Variants in SEMA5B observed in about 807,000 individuals in gnomAD.
SEMA5B encodes semaphorin-5B.
In SEMA5B, 66 loss-of-function variants were observed where a neutral mutation model predicts 135.0. The observed-to-expected ratio is 0.49, with a 90% confidence interval of 0.40 to 0.60. The LOEUF is 0.60. SEMA5B is among the 20% of genes least tolerant of loss of function. The probability of loss-of-function intolerance (pLI) is 0.00; values close to 1 mark genes in which losing one functional copy is unlikely to be tolerated. For missense variants in SEMA5B, 1,501 were observed against 1,566.3 expected, an observed-to-expected ratio of 0.96 and a Z score of 0.70; for synonymous variants, 690 against 639.5, an observed-to-expected ratio of 1.08 and a Z score of -1.19.
chr3:122,939,025 C>G (rs1276985926), intron 5 of SEMA5B, among the ~76,000 whole-genome samples: 2 of 152,232 alleles, frequency 1.3e-5, no homozygotes, highest in Non-Finnish European at 2.9e-5. Context: ...AGAGACCCTC[C>G]TGTGGAGCCA....
chr3:122,929,871 A>G (rs953757447), intron 5 of SEMA5B, among the ~76,000 whole-genome samples: 4 of 152,208 alleles, frequency 2.6e-5, no homozygotes, highest in Non-Finnish European at 4.4e-5. Flanking sequence ...TCCCCAACCC[A>G]GGATCTCTTC....
chr3:122,950,732 G>C (rs1940008402), intron 2 of SEMA5B, among the ~76,000 whole-genome samples: 1 of 152,154 alleles, frequency 6.6e-6, no homozygotes, highest in Admixed American at 6.5e-5. Flanking sequence ...TAGTTGAGAG[G>C]CAAAAACAGA....
At chr3:123,007,296 C>G (rs1445576075) in intron 1 of SEMA5B, among the ~76,000 whole-genome samples, 1 of 152,180 alleles carries the variant, frequency 6.6e-6, no homozygotes, top group East Asian at 1.9e-4. Context: ...TACACAGACC[C>G]TGACCCTCCC....
intron 2 of SEMA5B, among the ~76,000 whole-genome samples, chr3:122,956,509 C>T (rs1940313595): frequency 6.6e-6 from 1 of 152,122 alleles, no homozygotes; most frequent in Non-Finnish European, 1.5e-5. Flanking sequence ...GAGCCAAGGC[C>T]GGAGCAATCA....
intron 1 of SEMA5B, among the ~76,000 whole-genome samples, chr3:122,997,817 T>C (rs1371256733): frequency 6.6e-6 from 1 of 151,676 alleles, no homozygotes; most frequent in Non-Finnish European, 1.5e-5. Context: ...GCCTCTACCC[T>C]CAGGCCAGGA....
chr3:122,925,585 G>T (rs1451480165), intron 9 of SEMA5B, among the ~76,000 whole-genome samples: 2 of 151,868 alleles, frequency 1.3e-5, no homozygotes, highest in South Asian at 4.2e-4. Context: ...CAGGAGAATC[G>T]CTTGAACCCA....
intron 1 of SEMA5B, among the ~76,000 whole-genome samples, chr3:122,974,767 C>A (rs1331799834): frequency 6.6e-6 from 1 of 152,174 alleles, no homozygotes; most frequent in Non-Finnish European, 1.5e-5. Context: ...CTGACAAAAC[C>A]CTTCCAGTGC....
intron 12 of SEMA5B, among the ~76,000 whole-genome samples, chr3:122,918,741 G>C (rs1190924099): frequency 6.6e-6 from 1 of 152,172 alleles, no homozygotes; most frequent in Non-Finnish European, 1.5e-5. Flanking sequence ...GACCCCTGAG[G>C]CTTCTTGAGG....
chr3:122,976,240 T>TA (rs1038909937), intron 1 of SEMA5B: 2 of 1,339,876 alleles, frequency 1.5e-6, no homozygotes, highest in African/African-American at 1.5e-5. Flanking sequence ...GGAACTTGTT[T>TA]AAAATGCAAA....
intron 1 of SEMA5B, among the ~76,000 whole-genome samples, chr3:123,017,673 C>T (rs573635305): frequency 6.6e-5 from 10 of 152,248 alleles, no homozygotes; most frequent in Admixed American, 2.0e-4. Flanking sequence ...TTTGGGAGGA[C>T]GAGGCAGGTG....
At chr3:123,002,895 G>A (rs1405345525) in intron 1 of SEMA5B, among the ~76,000 whole-genome samples, 9 of 152,076 alleles carry the variant, frequency 5.9e-5, no homozygotes, top group Non-Finnish European at 1.0e-4. Context: ...TGATGACCCC[G>A]GACATACTTA....
At chr3:122,975,976 T>C in intron 1 of SEMA5B, 1 of 1,532,558 alleles carries the variant, frequency 6.5e-7, no homozygotes. Flanking sequence ...ATCTAGAAAC[T>C]CTTCATGTCA....
At chr3:122,925,451 G>A (rs903546110) in intron 9 of SEMA5B, among the ~76,000 whole-genome samples, 4 of 151,980 alleles carry the variant, frequency 2.6e-5, no homozygotes, top group African/African-American at 4.8e-5. Context: ...GGCAGATCAC[G>A]AGGTCAGGAG....
chr3:122,944,795 C>G (rs1480286532), intron 3 of SEMA5B, among the ~76,000 whole-genome samples: 1 of 152,212 alleles, frequency 6.6e-6, no homozygotes. Context: ...TCTTGATTCA[C>G]AGCCTCCTGA....
Position 122,985,268 on chromosome 3 carries a change from G to A in SEMA5B, c.-38-23967C>T, listed in dbSNP as rs541651142. On this transcript the variant is annotated intron_variant, in intron 1 of 22. Coordinates refer to ENST00000357599, the MANE Select transcript of SEMA5B (RefSeq NM_001031702.4). The stretch of plus-strand genomic sequence containing the variant: ...AGCACTTTGAGAGGCCAAGGCAGGA[G>A]GATTGCTTCTAGCCAGGAGTTCAAG... Among the ~76,000 whole-genome samples the A allele has an allele frequency of 2.6e-5, 4 of 152,316 alleles. No individual in the cohort carries two copies. The South Asian group carries it at 6.2e-4, about 24-fold the overall frequency.
intron 1 of SEMA5B, among the ~76,000 whole-genome samples, chr3:122,999,555 C>T (rs1942120383): frequency 6.6e-6 from 1 of 151,718 alleles, no homozygotes; most frequent in African/African-American, 2.4e-5. Context: ...TTAAACCCAC[C>T]AAAGATAACG....
intron 5 of SEMA5B, among the ~76,000 whole-genome samples, chr3:122,933,269 A>G (rs1472936125): frequency 1.3e-5 from 2 of 152,070 alleles, no homozygotes; most frequent in Non-Finnish European, 2.9e-5. Context: ...GAAAAGGAAC[A>G]TGGTAGATCA....
intron 13 of SEMA5B, 72 bp downstream of exon 13, chr3:122,915,701 G>T: frequency 1.2e-6 from 2 of 1,601,976 alleles, no homozygotes; most frequent in East Asian, 2.2e-5. Flanking sequence ...GGGATTGGGG[G>T]AATATTGGTG....
rs1937829707 is a variant in SEMA5B, at chr3:122,913,011, T to C, written c.2557A>G (p.Ser853Gly). ...RSGSTSPHTV[S>G]GGWAAWGPWS... ...GGGCCCCAGGCGGCCCAGCCCCCGC[T>C]CACCGTGTGCGGGGAGGTGCTCCCG... The change falls in exon 18 of 23, where the codon AGC (serine) becomes GGC (glycine). Residue 853 changes from serine to glycine, a missense_variant. Physicochemically the swap from Ser to Gly is moderately conservative, Grantham distance 56. Around this residue, in one of 2 missense-constraint regions of SEMA5B, gnomAD observed 927 missense variants for 881.6 expected, o/e 1.05. Transcript: ENST00000357599. 6.2e-7 allele frequency: 1 copy of C among 1,601,622 alleles called. No individual in the cohort carries two copies. The highest frequency in any genetic ancestry group is 8.5e-7 in the Non-Finnish European group (1 of 1,174,444).
Sources: allele counts gnomAD v4.1 joint callset (sites outside exome capture counted in the v4.1 genomes callset), GRCh38; gene constraint gnomAD v4.1.1; regional missense constraint gnomAD v4.1.1; transcripts MANE v1.5; gene names NCBI Gene and HGNC (gene_info 2026-07-23, HGNC 2026-07-21).